Variants in SLC1A7 observed in about 807,000 individuals in gnomAD.
SLC1A7 encodes the protein excitatory amino acid transporter 5.
Under a neutral mutation model 47.7 loss-of-function variants are expected in SLC1A7, and 40 were observed. The ratio of observed to expected loss-of-function variants is 0.84; its 90% CI spans 0.65 to 1.09. SLC1A7 has a LOEUF of 1.09. SLC1A7 is among the 50% of genes least tolerant of loss of function. The probability of loss-of-function intolerance (pLI) is 0.00; values close to 1 mark genes in which losing one functional copy is unlikely to be tolerated. For synonymous variants in SLC1A7, 323 were observed against 325.6 expected (o/e 0.99, Z 0.09); for missense variants, 746 against 769.5 (o/e 0.97, Z 0.36).
intron 4 of SLC1A7, among the ~76,000 whole-genome samples, chr1:53,105,419 C>T (rs1437962381): frequency 6.6e-6 from 1 of 152,188 alleles, no homozygotes; most frequent in Non-Finnish European, 1.5e-5. Flanking sequence ...GGGGCTCATC[C>T]TACCTCAGTG....
At chr1:53,125,754 C>T (rs888641232) in intron 2 of SLC1A7, among the ~76,000 whole-genome samples, 20 of 152,316 alleles carry the variant, frequency 1.3e-4, no homozygotes, top group African/African-American at 3.8e-4. Context: ...AGACTTCCAC[C>T]AGAGCGTGCG....
At chr1:53,094,480 G>T (rs1644461250) in intron 5 of SLC1A7, among the ~76,000 whole-genome samples, 1 of 152,220 alleles carries the variant, frequency 6.6e-6, no homozygotes, top group African/African-American at 2.4e-5. Flanking sequence ...CATGGTGCTG[G>T]GGCTCAGCTA....
chr1:53,119,574 A>ACTCCTGAGCCCAAATGATC (rs1553164058), intron 2 of SLC1A7, among the ~76,000 whole-genome samples: 1 of 151,328 alleles, frequency 6.6e-6, no homozygotes. Flanking sequence ...CTGGTCTGGA[A>ACTCCTGAGCCCAAATGATC]CTCCTGAGCC....
intron 5 of SLC1A7, among the ~76,000 whole-genome samples, chr1:53,095,528 T>A (rs1253186834): frequency 7.1e-6 from 1 of 140,618 alleles, no homozygotes; most frequent in African/African-American, 2.7e-5. Context: ...CTCGTTACAC[T>A]CACACCGCCT....
intron 1 of SLC1A7, among the ~76,000 whole-genome samples, chr1:53,139,871 G>C (rs911486382): frequency 1.3e-5 from 2 of 152,056 alleles, no homozygotes; most frequent in Non-Finnish European, 2.9e-5. Context: ...GAAAAAAATG[G>C]ATACACCTGT....
At chr1:53,112,392 G>A (rs1248913601) in intron 3 of SLC1A7, among the ~76,000 whole-genome samples, 1 of 152,256 alleles carries the variant, frequency 6.6e-6, no homozygotes, top group African/African-American at 2.4e-5. Context: ...AGTGAGCTCA[G>A]TCCAAACCAG....
chr1:53,120,458 C>A (rs1410464215), intron 2 of SLC1A7, among the ~76,000 whole-genome samples: 1 of 152,184 alleles, frequency 6.6e-6, no homozygotes, highest in Non-Finnish European at 1.5e-5. Flanking sequence ...CCGCAACCAT[C>A]CCAGCTCCTT....
At chr1:53,119,629 G>A (rs1644798609) in intron 2 of SLC1A7, among the ~76,000 whole-genome samples, 1 of 152,152 alleles carries the variant, frequency 6.6e-6, no homozygotes, top group Non-Finnish European at 1.5e-5. Flanking sequence ...TGGGATTACA[G>A]GTGTGAGCCA....
intron 7 of SLC1A7, 36 bp downstream of exon 7, chr1:53,092,518 C>G (rs1289017575): frequency 1.3e-6 from 2 of 1,497,550 alleles, no homozygotes; most frequent in African/African-American, 1.4e-5. Context: ...TCAGCCCCTC[C>G]CAGCTCCCCA....
At chr1:53,105,124 A>G (rs755600482) in intron 4 of SLC1A7, among the ~76,000 whole-genome samples, 1 of 152,250 alleles carries the variant, frequency 6.6e-6, no homozygotes, top group East Asian at 1.9e-4. Flanking sequence ...TTTAAAAATA[A>G]GCAGAAGAAA....
intron 6 of SLC1A7, 28 bp from the exon 7 acceptor site, chr1:53,092,815 G>T: frequency 6.7e-7 from 1 of 1,491,800 alleles, no homozygotes; most frequent in Non-Finnish European, 9.3e-7. Flanking sequence ...GCCAGGCTCA[G>T]GAACCAGGCA....
At chr1:53,136,423 A>C (rs952865541) in intron 1 of SLC1A7, among the ~76,000 whole-genome samples, 1 of 147,380 alleles carries the variant, frequency 6.8e-6, no homozygotes, top group Non-Finnish European at 1.5e-5. Flanking sequence ...TAATCTCCTG[A>C]CCTTGTTGAT....
intron 2 of SLC1A7, among the ~76,000 whole-genome samples, chr1:53,124,030 T>A (rs1014695619): frequency 3.9e-5 from 6 of 152,336 alleles, no homozygotes; most frequent in Admixed American, 6.5e-5. Flanking sequence ...GGCAGCCCCC[T>A]GCACACTGGC....
chr1:53,125,169 G>A (rs1644868814), intron 2 of SLC1A7, among the ~76,000 whole-genome samples: 1 of 152,158 alleles, frequency 6.6e-6, no homozygotes, highest in African/African-American at 2.4e-5. Context: ...TGGGAGGGGG[G>A]CCCCAATGCA....
intron 5 of SLC1A7, among the ~76,000 whole-genome samples, chr1:53,094,970 G>T (rs751390273): frequency 2.0e-5 from 3 of 152,224 alleles, no homozygotes; most frequent in Non-Finnish European, 2.9e-5. Context: ...GCTCGGAGCC[G>T]CTGTGCTAGT....
chr1:53,103,552 G>T lies in SLC1A7; in HGVS notation c.491C>A (p.Thr164Asn). The change falls in exon 5 of 11, where the codon ACC becomes AAC. Residue 164 changes from threonine to asparagine, a missense_variant. Thr to Asn is a moderately conservative substitution (Grantham distance 65, BLOSUM62 0). Transcript: ENST00000371494. ...ATFKQYRTKTTPVVKSPKVAP... is the reference protein window; with the variant it reads ...ATFKQYRTKTNPVVKSPKVAP... ...CACCTTGGGGGACTTGACAACTGGG[G>T]TGGTCTTGGTGCGGTACTGGTGGGT... 6.2e-7 allele frequency: 1 copy of T among 1,600,866 alleles called. No individual in the cohort carries two copies. Among genetic ancestry groups the T allele is most frequent in the Non-Finnish European group, 8.5e-7 (1 of 1,172,758 alleles).
chr1:53,099,379 C>A (rs1044582093), intron 5 of SLC1A7, among the ~76,000 whole-genome samples: 12 of 144,484 alleles, frequency 8.3e-5, no homozygotes, highest in African/African-American at 2.9e-4. Flanking sequence ...CACACACATA[C>A]CCTGCCTTGA....
intron 1 of SLC1A7, among the ~76,000 whole-genome samples, chr1:53,136,560 T>TATATA (rs71044458): frequency 0.098 from 7,809 of 79,972 alleles, 614 homozygotes; most frequent in African/African-American, 0.13. Context: ...TATATAAACA[T>TATATA]ATATATAAAC....
intron 5 of SLC1A7, among the ~76,000 whole-genome samples, chr1:53,101,279 C>A (rs571562437): frequency 6.9e-6 from 1 of 145,052 alleles, no homozygotes; most frequent in Non-Finnish European, 1.5e-5. Context: ...TCGGTACACT[C>A]GCACACCCCA....
Sources: allele counts gnomAD v4.1 joint callset (sites outside exome capture counted in the v4.1 genomes callset), GRCh38; gene constraint gnomAD v4.1.1; transcripts MANE v1.5; gene names NCBI Gene and HGNC (gene_info 2026-07-23, HGNC 2026-07-21).